Variants in SGMS1 observed in about 807,000 individuals in gnomAD.
SGMS1 encodes sphingomyelin synthase 1.
SGMS1 carries 13 observed loss-of-function variants against 46.2 expected under a neutral mutation model. The observed-to-expected ratio is 0.28, with a 90% CI of 0.18 to 0.45. The LOEUF is 0.45. Ranked by LOEUF, SGMS1 falls within the 20% of genes least tolerant of loss-of-function variation. The pLI is 1.00. For missense variants in SGMS1, 324 were observed against 519.9 expected, an observed-to-expected ratio of 0.62 and a Z score of 3.66; for synonymous variants, 203 against 187.8, an observed-to-expected ratio of 1.08 and a Z score of -0.66.
chr10:50,473,797 A>G (rs1372292505), intron 3 of SGMS1, among the ~76,000 whole-genome samples: 1 of 152,210 alleles, frequency 6.6e-6, no homozygotes. Context: ...GCCATCTTAT[A>G]TCACCTGACA....
chr10:50,576,828 T>A (rs1838389741), intron 2 of SGMS1, among the ~76,000 whole-genome samples: 1 of 152,230 alleles, frequency 6.6e-6, no homozygotes, highest in African/African-American at 2.4e-5. Flanking sequence ...AATTACCACA[T>A]GCTAAGTGCC....
At chr10:50,488,020 T>TTG (rs1564926584) in intron 3 of SGMS1, among the ~76,000 whole-genome samples, 10 of 146,960 alleles carry the variant, frequency 6.8e-5, no homozygotes, top group African/African-American at 2.7e-4. Flanking sequence ...TTTATTTATT[T>TTG]ATTTATTTAT....
At chr10:50,489,487 G>A (rs1054087127) in intron 3 of SGMS1, among the ~76,000 whole-genome samples, 4 of 152,176 alleles carry the variant, frequency 2.6e-5, no homozygotes, top group Non-Finnish European at 5.9e-5. Context: ...ACCTGCTAGG[G>A]TGAAAGTGAC....
chr10:50,399,451 C>A (rs898438099), intron 6 of SGMS1, among the ~76,000 whole-genome samples: 1 of 152,102 alleles, frequency 6.6e-6, no homozygotes, highest in Non-Finnish European at 1.5e-5. Context: ...TTATAGTACA[C>A]CCATCCTACA....
intron 6 of SGMS1, among the ~76,000 whole-genome samples, chr10:50,383,684 C>T (rs1042863939): frequency 6.6e-6 from 1 of 151,912 alleles, no homozygotes; most frequent in African/African-American, 2.4e-5. Context: ...TTTAAATTGC[C>T]TTAATTCTCT....
intron 2 of SGMS1, among the ~76,000 whole-genome samples, chr10:50,532,225 C>CTGTGTGTGTGTGTGTGTGTGTGTG (rs71029313): frequency 1.5e-5 from 2 of 130,516 alleles, no homozygotes; most frequent in African/African-American, 5.9e-5. Context: ...CTGAATGAGA[C>CTGTGTGTGTGTGTGTGTGTGTGTG]TGTGTGTGTG....
At chr10:50,601,556 G>A (rs966566022) in intron 1 of SGMS1, among the ~76,000 whole-genome samples, 3 of 152,182 alleles carry the variant, frequency 2.0e-5, no homozygotes, top group African/African-American at 7.2e-5. Context: ...GAGAACTGAA[G>A]CTCAGAAAGG....
At chr10:50,622,642 G>T (rs186161439) in intron 1 of SGMS1, among the ~76,000 whole-genome samples, 172 of 152,316 alleles carry the variant, frequency 1.1e-3, no homozygotes, top group African/African-American at 4.0e-3. Flanking sequence ...TTTCGTAAGC[G>T]TGTACCGCTG....
At chr10:50,316,658 G>A (rs1048539992) in intron 8 of SGMS1, among the ~76,000 whole-genome samples, 1 of 152,154 alleles carries the variant, frequency 6.6e-6, no homozygotes, top group East Asian at 1.9e-4. Flanking sequence ...TGTTCCCAAA[G>A]AGCAGTCTTC....
intron 6 of SGMS1, among the ~76,000 whole-genome samples, chr10:50,411,260 A>T (rs192871623): frequency 6.8e-4 from 103 of 152,358 alleles, no homozygotes; most frequent in African/African-American, 2.3e-3. Flanking sequence ...TTTAAAAAAT[A>T]CAAGCTAATA....
rs141323546 is a variant in SGMS1, at chr10:50,326,019, T to A, written c.741+1186A>T. On this transcript the variant is annotated intron_variant, in intron 8 of 10. Coordinates refer to ENST00000361781, the MANE Select transcript of SGMS1 (RefSeq NM_147156.4). The stretch of plus-strand genomic sequence containing the variant: ...AAAAACGATGTGAAGCTGGCTTCTT[T>A]GGAAGGGCGAAAGAAACTGCAAGAA... Among the ~76,000 whole-genome samples, 318 of 152,184 alleles carry A rather than the reference T, an allele frequency of 2.1e-3. 3 individuals are homozygous for A. The highest frequency in any genetic ancestry group is 7.4e-3 in the African/African-American group (309 of 41,526).
intron 2 of SGMS1, among the ~76,000 whole-genome samples, chr10:50,584,134 T>A (rs1233926795): frequency 6.6e-6 from 1 of 152,206 alleles, no homozygotes; most frequent in Non-Finnish European, 1.5e-5. Flanking sequence ...AAAAAGAATA[T>A]GACTGAATTC....
chr10:50,583,751 C>G lies in SGMS1; in HGVS notation c.-589+6402G>C, dbSNP rs192241694. ...CTTGAGACAGTTTGAAATGAGTTTT[C>G]TGTCACTTGCAACCAAGGCACTCTG... On this transcript the variant is annotated intron_variant, in intron 2 of 10. Coordinates refer to ENST00000361781, the MANE Select transcript of SGMS1 (RefSeq NM_147156.4). 2.3e-3 allele frequency among the ~76,000 whole-genome samples: 357 copies of G among 152,294 alleles called. 2 individuals carry two copies. The highest frequency in any genetic ancestry group is 6.4e-3 in the South Asian group (31 of 4,814).
chr10:50,445,608 G>A (rs1212720771), intron 5 of SGMS1, among the ~76,000 whole-genome samples: 2 of 152,178 alleles, frequency 1.3e-5, no homozygotes, highest in African/African-American at 2.4e-5. Flanking sequence ...ATACTCTAGT[G>A]ATTTCCTACG....
intron 6 of SGMS1, among the ~76,000 whole-genome samples, chr10:50,394,712 G>A (rs866731664): frequency 1.3e-5 from 2 of 152,146 alleles, no homozygotes; most frequent in East Asian, 3.8e-4. Context: ...CTTAATTTCA[G>A]GGGCAGAAAA....
At chr10:50,535,140 G>A (rs899153077) in intron 2 of SGMS1, among the ~76,000 whole-genome samples, 30 of 152,048 alleles carry the variant, frequency 2.0e-4, no homozygotes, top group African/African-American at 7.0e-4. Flanking sequence ...CCTGAGGGAG[G>A]AGAATCACTT....
intron 2 of SGMS1, among the ~76,000 whole-genome samples, chr10:50,529,232 A>G (rs544991391): frequency 2.6e-5 from 4 of 152,314 alleles, no homozygotes; most frequent in South Asian, 4.2e-4. Context: ...ATGGTTTTCT[A>G]TGTGTCACCT....
intron 6 of SGMS1, among the ~76,000 whole-genome samples, chr10:50,352,711 C>T (rs1463961768): frequency 1.3e-5 from 2 of 152,140 alleles, no homozygotes; most frequent in Non-Finnish European, 2.9e-5. Flanking sequence ...ATTCAATAGT[C>T]TCACAGATCT....
At chr10:50,598,196 C>T (rs951386857) in intron 1 of SGMS1, among the ~76,000 whole-genome samples, 1 of 151,590 alleles carries the variant, frequency 6.6e-6, no homozygotes, top group Admixed American at 6.6e-5. Flanking sequence ...GGATTAGTGC[C>T]CTTATCAGAA....
Sources: gnomAD v4.1 joint callset for allele counts (sites outside exome capture counted in the v4.1 genomes callset) on GRCh38, gnomAD v4.1.1 for gene constraint, MANE v1.5 for transcripts, NCBI Gene and HGNC (gene_info 2026-07-23, HGNC 2026-07-21) for gene names.